Variants in NF1 observed in about 807,000 individuals in gnomAD.
NF1 encodes the protein neurofibromin.
NF1 carries 122 observed loss-of-function variants against 325.7 expected under a neutral mutation model. The observed-to-expected ratio is 0.37, with a 90% CI of 0.32 to 0.44. NF1 has a LOEUF of 0.44. NF1 is among the 20% of genes least tolerant of loss of function. The pLI is 1.00. For synonymous variants in NF1, 1,091 were observed against 1,186.0 expected, an observed-to-expected ratio of 0.92 and a Z score of 1.65; for missense variants, 2,140 against 3,415.4, an observed-to-expected ratio of 0.63 and a Z score of 9.31.
At chr17:31,286,661 A>T (rs926495347) in intron 36 of NF1, among the ~76,000 whole-genome samples, 1 of 152,228 alleles carries the variant, frequency 6.6e-6, no homozygotes, top group African/African-American at 2.4e-5. Context: ...AGGAATACAG[A>T]TGAGTATTTA....
chr17:31,238,857 C>T (rs1307069684), intron 29 of NF1, among the ~76,000 whole-genome samples: 6 of 151,988 alleles, frequency 3.9e-5, no homozygotes, highest in African/African-American at 9.7e-5. Flanking sequence ...AACGGGGAAA[C>T]CCAGGGACAA....
chr17:31,318,903 A>G (rs762087037), intron 36 of NF1: 2 of 1,614,084 alleles, frequency 1.2e-6, no homozygotes, highest in South Asian at 2.2e-5. Flanking sequence ...AAGTACTGTT[A>G]GCCCACAGAC....
rs766322878 is a variant in NF1, at chr17:31,327,831, G to T, written c.5601G>T (p.Pro1867=). ...IALLNLGSSD[P]SLRSAAYNLL... The stretch of plus-strand genomic sequence containing the variant: ...TACTTAATTTAGGCAGTTCTGACCC[G>T]AGTTTACGGTAGGTTTTTTAAAATT... Residue 1867 remains proline (P), a synonymous_variant, in exon 38 of 58, where the codon CCG becomes CCT. Coordinates refer to ENST00000358273, the MANE Select transcript of NF1 (RefSeq NM_001042492.3). The T allele has an allele frequency of 6.2e-7, 1 of 1,613,874 alleles. No homozygotes were observed. The highest frequency in any genetic ancestry group is 8.5e-7 in the Non-Finnish European group (1 of 1,179,908).
At position 31,358,462 on chromosome 17, in the gene NF1, A is replaced by G. The variant is rs569639105; in HGVS notation, c.7971-18A>G. On this transcript the variant is annotated intron_variant, in intron 54 of 57. Coordinates refer to ENST00000358273, the MANE Select transcript of NF1 (RefSeq NM_001042492.3). ...TTTCCTCTAAAATGTTCCTCTGTTG[A>G]CTTTTTTTTTCTTTTAGGCATAATT... is the stretch of plus-strand genomic sequence containing the variant. The G allele has an allele frequency of 6.2e-7, 1 of 1,609,532 alleles. No homozygotes were observed. The highest frequency in any genetic ancestry group is 1.3e-5 in the African/African-American group (1 of 74,854).
At position 31,295,335 on chromosome 17, in the gene NF1, G is replaced by A. The variant is rs780576955; in HGVS notation, c.4835+29996G>A. The stretch of plus-strand genomic sequence containing the variant: ...TCTGTGGATGTATCTTCTGGATAGG[G>A]CACAAAAGCCTTATCAGTGCTAGTA... On this transcript the variant is annotated intron_variant, in intron 36 of 57. Coordinates refer to ENST00000358273, the MANE Select transcript of NF1 (RefSeq NM_001042492.3). The A allele has an allele frequency of 1.1e-5, 18 of 1,613,960 alleles. No individual in the cohort carries two copies. Among genetic ancestry groups the A allele is most frequent in the Admixed American group, 1.7e-5 (1 of 60,006 alleles).
intron 18 of NF1, 81 bp downstream of exon 18, chr17:31,226,765 C>T (rs970304582): frequency 6.3e-7 from 1 of 1,577,358 alleles, no homozygotes; most frequent in South Asian, 1.1e-5. Flanking sequence ...TTTAAGGTCA[C>T]TACTTTGTAA....
At chr17:31,322,451 A>G (rs1232880862) in intron 36 of NF1, among the ~76,000 whole-genome samples, 2 of 141,358 alleles carry the variant, frequency 1.4e-5, no homozygotes, top group Non-Finnish European at 3.0e-5. Context: ...TGCATGAGCT[A>G]AGATCATGCC....
intron 36 of NF1, chr17:31,305,669 CGTCATTGGT>C: frequency 6.6e-7 from 1 of 1,525,626 alleles, no homozygotes; most frequent in Non-Finnish European, 8.8e-7. Context: ...GACAGTTAGG[CGTCATTGGT>C]GTCTAGTTAA....
intron 11 of NF1, among the ~76,000 whole-genome samples, chr17:31,202,406 G>C (rs1421930547): frequency 6.6e-6 from 1 of 152,030 alleles, no homozygotes; most frequent in Non-Finnish European, 1.5e-5. Context: ...ATTTGCCCTG[G>C]ATGTTGTATT....
At chr17:31,304,519 G>A (rs1363840773) in intron 36 of NF1, 4 of 1,614,168 alleles carry the variant, frequency 2.5e-6, no homozygotes, top group Admixed American at 1.7e-5. Flanking sequence ...TGGAAGAGGA[G>A]ATACAATTGT....
intron 15 of NF1, chr17:31,222,344 A>G: frequency 9.6e-7 from 1 of 1,038,728 alleles, no homozygotes; most frequent in Non-Finnish European, 1.2e-6. Flanking sequence ...GCTTTCGATG[A>G]ATGAATTAAT....
At position 31,214,592 on chromosome 17, in the gene NF1, AT is replaced by A. The variant is rs772159080; in HGVS notation, c.1527+14del. 3.7e-6 allele frequency: 6 copies of A among 1,612,520 alleles called. No individual in the cohort carries two copies. Among genetic ancestry groups the A allele is most frequent in the Middle Eastern group, 1.7e-4 (1 of 6,048 alleles). ...TCCAAAGCTCTTGCTTTGTGTAAGT[AT>A]TTTTTTATGAAATGTCTCAAAATTA... On this transcript the variant is annotated splice_region_variant and intron_variant, in intron 13 of 57. Transcript: ENST00000358273.
intron 36 of NF1, chr17:31,295,569 A>G: frequency 6.2e-7 from 1 of 1,614,184 alleles, no homozygotes; most frequent in Non-Finnish European, 8.5e-7. Context: ...ATTTGGGTAG[A>G]ACATGGAGTC....
intron 36 of NF1, chr17:31,295,253 C>A: frequency 6.2e-7 from 1 of 1,614,006 alleles, no homozygotes; most frequent in South Asian, 1.1e-5. Flanking sequence ...TGTGACCATT[C>A]CATCTTGGAG....
chr17:31,307,954 A>G (rs1447162283), intron 36 of NF1: 2 of 1,281,942 alleles, frequency 1.6e-6, no homozygotes, highest in Admixed American at 2.3e-5. Flanking sequence ...GTGATGATAA[A>G]TGGCCCTGTT....
At chr17:31,285,226 G>A (rs1281491970) in intron 36 of NF1, among the ~76,000 whole-genome samples, 2 of 138,828 alleles carry the variant, frequency 1.4e-5, no homozygotes, top group Admixed American at 7.8e-5. Flanking sequence ...GCAGTAAACC[G>A]AAATCGCACC....
Position 31,193,064 on chromosome 17 carries a change from T to G in NF1, c.889-7358T>G, listed in dbSNP as rs9914743. ...TAAATGTATATTCTTCCAGTCTAGCTTTTATATTTTTATGAGGATGGGGAG... is the reference window on the plus strand; with the variant it reads ...TAAATGTATATTCTTCCAGTCTAGCGTTTATATTTTTATGAGGATGGGGAG... On this transcript the variant is annotated intron_variant, in intron 8 of 57. Transcript: ENST00000358273. Among the ~76,000 whole-genome samples, 1,163 of 152,316 alleles carry G rather than the reference T, an allele frequency of 7.6e-3. 19 individuals are homozygous for G. The highest frequency in any genetic ancestry group is 0.027 in the African/African-American group (1,120 of 41,576).
At position 31,301,236 on chromosome 17, in the gene NF1, C is replaced by T. The variant is rs140662237; in HGVS notation, c.4836-24584C>T. 1.7e-3 allele frequency among the ~76,000 whole-genome samples: 258 copies of T among 152,074 alleles called. 2 individuals are homozygous for T. Among genetic ancestry groups the T allele is most frequent in the Non-Finnish European group, 2.5e-3 (173 of 67,914 alleles). On this transcript the variant is annotated intron_variant, in intron 36 of 57. Transcript: ENST00000358273. ...AGTCTCAGCTAGGAAGGTTTTTTCC[C>T]GCTTCCAGATTATAAAGGAATTTAC...
chr17:31,266,478 T>C (rs1365527457), intron 36 of NF1, among the ~76,000 whole-genome samples: 1 of 152,158 alleles, frequency 6.6e-6, no homozygotes, highest in Non-Finnish European at 1.5e-5. Context: ...CACCTTCCCA[T>C]GAAAGGCCTC....
Sources: allele counts gnomAD v4.1 joint callset (sites outside exome capture counted in the v4.1 genomes callset), GRCh38; gene constraint gnomAD v4.1.1; transcripts MANE v1.5; gene names NCBI Gene and HGNC (gene_info 2026-07-23, HGNC 2026-07-21).